The following AFF3 variants were observed in gnomAD, a reference collection of about 807,000 sequenced individuals.
The protein encoded by AFF3 is ALF transcription elongation factor 3.
In AFF3, 32 loss-of-function variants were observed where a neutral mutation model predicts 129.7. The observed-to-expected ratio is 0.25, with a 90% CI of 0.19 to 0.33. The LOEUF is 0.33. Among genes scored for constraint, AFF3 ranks in the 10% least tolerant of loss-of-function variants. The pLI, the probability that AFF3 is intolerant of heterozygous loss-of-function variation, is 1.00. For synonymous variants in AFF3, 644 were observed against 635.4 expected (o/e 1.01, Z -0.20); for missense variants, 1,373 against 1,592.0 (o/e 0.86, Z 2.34).
At chr2:99,751,300 C>T (rs577642332) in intron 9 of AFF3, among the ~76,000 whole-genome samples, 51 of 152,096 alleles carry the variant, frequency 3.4e-4, no homozygotes, top group Non-Finnish European at 5.7e-4. Context: ...AGCATGTTGG[C>T]CAGGCTGGTC....
At chr2:99,938,892 T>C (rs1392831011) in intron 7 of AFF3, among the ~76,000 whole-genome samples, 6 of 152,228 alleles carry the variant, frequency 3.9e-5, no homozygotes, top group African/African-American at 2.4e-5. Context: ...ATGGCCTTTA[T>C]ACATGCAGCC....
chr2:99,769,206 G>A (rs974620335), intron 8 of AFF3, among the ~76,000 whole-genome samples: 8 of 151,716 alleles, frequency 5.3e-5, no homozygotes, highest in South Asian at 2.1e-4. Context: ...TGTCTTTGCC[G>A]ATCATACATT....
At chr2:100,090,726 G>A (rs1360841068) in intron 4 of AFF3, among the ~76,000 whole-genome samples, 1 of 152,122 alleles carries the variant, frequency 6.6e-6, no homozygotes, top group Non-Finnish European at 1.5e-5. Context: ...ACCCAGGCTG[G>A]AGTGCAATGG....
rs1227401512 is a variant in AFF3, at chr2:99,650,895, C to T, written c.1144-1229G>A. Among the ~76,000 whole-genome samples the T allele has an allele frequency of 3.3e-5, 5 of 151,162 alleles. 1 individual carries two copies. The highest frequency in any genetic ancestry group is 5.9e-5 in the Non-Finnish European group (4 of 67,780). The stretch of plus-strand genomic sequence containing the variant: ...ATCATAAAAAAGGCTCTATTTTGGC[C>T]GGGCATGGTGGCTCACGCCTGTAAT... On this transcript the variant is annotated intron_variant, in intron 12 of 24. Transcript: ENST00000672756.
intron 12 of AFF3, among the ~76,000 whole-genome samples, chr2:99,659,622 G>A (rs746484768): frequency 2.0e-5 from 3 of 152,164 alleles, no homozygotes; most frequent in Non-Finnish European, 2.9e-5. Context: ...TGCTAAGTTC[G>A]AAAAGTGCCA....
At chr2:99,647,652 GA>G (rs200040551) in intron 13 of AFF3, among the ~76,000 whole-genome samples, 1 of 150,174 alleles carries the variant, frequency 6.7e-6, no homozygotes, top group South Asian at 2.1e-4. Flanking sequence ...ACAAGTTGAA[GA>G]AAAAAAAAGA....
chr2:99,760,455 C>T (rs76903263), intron 8 of AFF3, among the ~76,000 whole-genome samples: 4,480 of 152,264 alleles, frequency 0.029, 81 homozygotes, highest in Non-Finnish European at 0.04. Context: ...ATTTGCACCT[C>T]ATTTCTGGTA....
chr2:99,844,641 G>T (rs1280853096), intron 7 of AFF3, among the ~76,000 whole-genome samples: 3 of 151,618 alleles, frequency 2.0e-5, no homozygotes, highest in African/African-American at 7.3e-5. Flanking sequence ...CACCATGTTG[G>T]CCAGGCTGGT....
rs541218929 is a variant in AFF3, at chr2:99,738,582, T to C, written c.1039+5522A>G. On this transcript the variant is annotated intron_variant, in intron 10 of 24. Transcript: ENST00000672756. ...CTAGATTTCCTTTGGGACTAGTCTT[T>C]CTTTTTGGCGTCACTGGTTATATAT... is the stretch of plus-strand genomic sequence containing the variant. Among the ~76,000 whole-genome samples, 9 of 152,262 alleles carry C rather than the reference T, an allele frequency of 5.9e-5. 1 individual carries two copies. Among genetic ancestry groups the C allele is most frequent in the Admixed American group, 4.6e-4 (7 of 15,296 alleles).
In AFF3 at chr2:99,854,424, G is replaced by A. The variant is rs192469124; in HGVS notation, c.874-16900C>T. On this transcript the variant is annotated intron_variant, in intron 7 of 24. Transcript: ENST00000672756. ...TATCTCTTCACTGATTAGCAATCTC[G>A]TCTGTCTTTAGCAACCCTTTAAATC... Among the ~76,000 whole-genome samples the A allele has an allele frequency of 2.6e-3, 403 of 152,216 alleles. 3 individuals are homozygous for A. The highest frequency in any genetic ancestry group is 7.3e-3 in the Admixed American group (112 of 15,264).
intron 7 of AFF3, among the ~76,000 whole-genome samples, chr2:100,000,512 G>GCA (rs67954752): frequency 0.16 from 23,846 of 148,780 alleles, 2,063 homozygotes; most frequent in Non-Finnish European, 0.19. Context: ...TAGCACGCGC[G>GCA]CACACACACA....
At chr2:99,797,371 A>G (rs1576012816) in intron 8 of AFF3, among the ~76,000 whole-genome samples, 1 of 152,182 alleles carries the variant, frequency 6.6e-6, no homozygotes, top group Non-Finnish European at 1.5e-5. Flanking sequence ...GCTTGAAGAC[A>G]TAACAACAGA....
rs138927116 is a variant in AFF3, at chr2:100,077,626, C to A, written c.53+26776G>T. On this transcript the variant is annotated intron_variant, in intron 4 of 24. Transcript: ENST00000672756. ...TAGCAGCAATGGGAAACTACAGTAT[C>A]TGTTACTTCCTCCTTCCTGATCTAA... Among the ~76,000 whole-genome samples the A allele has an allele frequency of 2.0e-5, 3 of 152,328 alleles. No individual in the cohort carries two copies. In the East Asian group the frequency reaches 5.8e-4, roughly 29 times the overall value.
intron 4 of AFF3, among the ~76,000 whole-genome samples, chr2:100,039,464 A>C (rs1419204833): frequency 1.1e-4 from 16 of 152,142 alleles, no homozygotes; most frequent in Admixed American, 1.0e-3. Flanking sequence ...AGGCTGAGGC[A>C]AGAAGATCAC....
intron 11 of AFF3, among the ~76,000 whole-genome samples, chr2:99,711,523 G>A (rs564060324): frequency 2.5e-4 from 38 of 152,288 alleles, no homozygotes; most frequent in Non-Finnish European, 2.8e-4. Context: ...AAGAGAACCT[G>A]CGATCTAGGG....
intron 8 of AFF3, among the ~76,000 whole-genome samples, chr2:99,761,268 G>C (rs1461785416): frequency 6.6e-6 from 1 of 150,786 alleles, no homozygotes; most frequent in Non-Finnish European, 1.5e-5. Flanking sequence ...TGAAAGAATA[G>C]ATGGTTAAAT....
intron 17 of AFF3, 72 bp downstream of exon 17, chr2:99,582,726 G>T: frequency 6.6e-7 from 1 of 1,519,052 alleles, no homozygotes; most frequent in Non-Finnish European, 9.1e-7. Flanking sequence ...GACTGTGCTA[G>T]GTTAGAGACA....
intron 13 of AFF3, among the ~76,000 whole-genome samples, chr2:99,625,216 CT>C (rs1282045623): frequency 6.6e-6 from 1 of 152,176 alleles, no homozygotes; most frequent in Non-Finnish European, 1.5e-5. Flanking sequence ...TTAGAGAATA[CT>C]TTTTTCTTAA....
intron 15 of AFF3, among the ~76,000 whole-genome samples, chr2:99,590,464 G>A (rs1411112343): frequency 2.0e-5 from 3 of 152,156 alleles, no homozygotes; most frequent in Non-Finnish European, 4.4e-5. Flanking sequence ...AATTCCAAGG[G>A]GCCCTGGGTG....
Sources: gnomAD v4.1 joint callset for allele counts (sites outside exome capture counted in the v4.1 genomes callset) on GRCh38, gnomAD v4.1.1 for gene constraint, MANE v1.5 for transcripts, NCBI Gene and HGNC (gene_info 2026-07-23, HGNC 2026-07-21) for gene names.